Variants in KIAA1217 observed in about 807,000 individuals in gnomAD.
The protein encoded by KIAA1217 is KIAA1217.
KIAA1217 carries 88 observed loss-of-function variants against 163.9 expected under a neutral mutation model. That is an observed-to-expected ratio of 0.54 (90% CI 0.45 to 0.64). The LOEUF is 0.64. Ranked by LOEUF, KIAA1217 falls within the 30% of genes least tolerant of loss-of-function variation. KIAA1217 has a pLI of 0.00. For synonymous variants in KIAA1217, 903 were observed against 923.1 expected, an observed-to-expected ratio of 0.98 and a Z score of 0.39; for missense variants, 2,372 against 2,475.0, an observed-to-expected ratio of 0.96 and a Z score of 0.88.
At chr10:23,730,943 G>T (rs1838440958) in intron 1 of KIAA1217, among the ~76,000 whole-genome samples, 1 of 152,150 alleles carries the variant, frequency 6.6e-6, no homozygotes, top group Non-Finnish European at 1.5e-5. Context: ...TGCAAACAAA[G>T]ACAGTTTTAT....
chr10:23,803,631 ATC>A (rs1836586040), intron 1 of KIAA1217, among the ~76,000 whole-genome samples: 1 of 152,064 alleles, frequency 6.6e-6, no homozygotes, highest in Admixed American at 6.6e-5. Context: ...TGATCTCAGA[ATC>A]TGTTTCTTGG....
chr10:24,527,353 A>G (rs2072353599), intron 13 of KIAA1217, among the ~76,000 whole-genome samples: 1 of 147,312 alleles, frequency 6.8e-6, no homozygotes, highest in South Asian at 2.1e-4. Flanking sequence ...TAATCCCAGC[A>G]CTTTGGATTA....
In KIAA1217 at chr10:24,142,073, T is replaced by C. The variant is rs529625438; in HGVS notation, c.-170-77553T>C. On this transcript the variant is annotated intron_variant, in intron 2 of 18. Transcript: ENST00000376462. ...TTTAAATGTTAATGAGATTTTTTTG[T>C]TTTTTTTTTCTTTCTATTAAGTCTT... Among the ~76,000 whole-genome samples, 509 of 65,808 alleles carry C rather than the reference T, an allele frequency of 7.7e-3. 4 individuals carry two copies. Among genetic ancestry groups the C allele is most frequent in the African/African-American group, 0.025 (486 of 19,192 alleles). The allele number at this position is 65,808 out of a possible 152,430, so 43.2% of individuals were successfully genotyped here.
At chr10:23,973,083 G>T (rs1349344325) in intron 1 of KIAA1217, among the ~76,000 whole-genome samples, 1 of 152,164 alleles carries the variant, frequency 6.6e-6, no homozygotes, top group East Asian at 1.9e-4. Flanking sequence ...TTTTAGAAAA[G>T]AAAAGTTTCC....
intron 1 of KIAA1217, among the ~76,000 whole-genome samples, chr10:23,832,152 T>C (rs1838235227): frequency 6.6e-6 from 1 of 152,208 alleles, no homozygotes; most frequent in Non-Finnish European, 1.5e-5. Context: ...AATAGCAGAT[T>C]GTCACTTATA....
chr10:24,035,660 G>A (rs186227032), intron 2 of KIAA1217, among the ~76,000 whole-genome samples: 1 of 152,270 alleles, frequency 6.6e-6, no homozygotes, highest in East Asian at 1.9e-4. Flanking sequence ...TAGGGACTGT[G>A]AAGAAATGAG....
intron 3 of KIAA1217, among the ~76,000 whole-genome samples, chr10:24,400,128 A>T (rs2056351814): frequency 6.6e-6 from 1 of 152,226 alleles, no homozygotes; most frequent in Non-Finnish European, 1.5e-5. Flanking sequence ...AACTCTAATC[A>T]CATCCCAGGA....
At chr10:24,424,019 T>C (rs2131600374) in intron 3 of KIAA1217, among the ~76,000 whole-genome samples, 1 of 152,230 alleles carries the variant, frequency 6.6e-6, no homozygotes, top group Middle Eastern at 3.4e-3. Flanking sequence ...AATTTGGTAT[T>C]TACCCAATTC....
At chr10:24,315,708 T>C (rs187036852) in intron 2 of KIAA1217, among the ~76,000 whole-genome samples, 64 of 151,872 alleles carry the variant, frequency 4.2e-4, no homozygotes, top group African/African-American at 1.5e-3. Flanking sequence ...GCTGTGATCG[T>C]GCCACTGCAT....
At chr10:24,107,920 A>C (rs2062693757) in intron 2 of KIAA1217, among the ~76,000 whole-genome samples, 1 of 152,092 alleles carries the variant, frequency 6.6e-6, no homozygotes, top group Non-Finnish European at 1.5e-5. Context: ...AGTGAAGCAG[A>C]AAAAAAATGA....
At chr10:24,144,262 G>A (rs1375623327) in intron 2 of KIAA1217, among the ~76,000 whole-genome samples, 6 of 152,232 alleles carry the variant, frequency 3.9e-5, no homozygotes, top group East Asian at 1.9e-4. Flanking sequence ...GTAGCAATTC[G>A]GAAGCTTTTC....
intron 2 of KIAA1217, among the ~76,000 whole-genome samples, chr10:24,197,203 C>G (rs1197804661): frequency 6.6e-6 from 1 of 152,138 alleles, no homozygotes. Flanking sequence ...CATATATACA[C>G]GGTTTCAGCA....
At chr10:24,447,375 A>G (rs2061024151) in intron 5 of KIAA1217, among the ~76,000 whole-genome samples, 1 of 151,892 alleles carries the variant, frequency 6.6e-6, no homozygotes, top group Non-Finnish European at 1.5e-5. Flanking sequence ...TCCTAATGCT[A>G]TGCCTCCCCA....
chr10:24,303,585 C>T (rs2041640378), intron 2 of KIAA1217, among the ~76,000 whole-genome samples: 1 of 152,184 alleles, frequency 6.6e-6, no homozygotes, highest in Non-Finnish European at 1.5e-5. Flanking sequence ...CCCTCGGCAA[C>T]TGGAGGAGGA....
intron 1 of KIAA1217, among the ~76,000 whole-genome samples, chr10:23,716,725 T>C (rs1404705789): frequency 6.6e-6 from 1 of 152,188 alleles, no homozygotes; most frequent in African/African-American, 2.4e-5. Context: ...TCAGCCTCTA[T>C]TGTGCATATT....
chr10:24,334,021 C>G (rs1041622653), intron 2 of KIAA1217, among the ~76,000 whole-genome samples: 4 of 152,134 alleles, frequency 2.6e-5, no homozygotes, highest in African/African-American at 4.8e-5. Flanking sequence ...GAGAGTATGA[C>G]TATTACTAAA....
intron 1 of KIAA1217, among the ~76,000 whole-genome samples, chr10:23,747,199 T>C (rs1302940656): frequency 1.1e-4 from 17 of 152,082 alleles, no homozygotes; most frequent in African/African-American, 4.1e-4. Flanking sequence ...GAGAGGAAAC[T>C]AGCTAGAAAC....
chr10:24,428,451 C>T (rs1024195642), intron 3 of KIAA1217, among the ~76,000 whole-genome samples: 3 of 152,098 alleles, frequency 2.0e-5, no homozygotes, highest in Admixed American at 6.6e-5. Context: ...GACATGGAGC[C>T]CTTATGCCTG....
intron 1 of KIAA1217, among the ~76,000 whole-genome samples, chr10:23,899,190 C>G (rs561719631): frequency 3.3e-5 from 5 of 152,072 alleles, no homozygotes; most frequent in African/African-American, 7.2e-5. Flanking sequence ...TTTTCTAAAG[C>G]ATAAACCTAG....
Sources: gnomAD v4.1 joint callset for allele counts (sites outside exome capture counted in the v4.1 genomes callset) on GRCh38, gnomAD v4.1.1 for gene constraint, MANE v1.5 for transcripts, NCBI Gene and HGNC (gene_info 2026-07-23, HGNC 2026-07-21) for gene names.